The following PCDHA13 variants were observed in gnomAD, a reference collection of about 807,000 sequenced individuals.
PCDHA13 encodes protocadherin alpha-13.
In PCDHA13, 54 loss-of-function variants were observed where a neutral mutation model predicts 64.8. That is an observed-to-expected ratio of 0.83 (90% CI 0.67 to 1.04). The LOEUF (loss-of-function observed/expected upper bound fraction) is 1.04, where lower values mean the gene tolerates loss of function less well. PCDHA13 is among the 50% of genes least tolerant of loss of function. The pLI is 0.00. For synonymous variants in PCDHA13, 587 were observed against 564.4 expected (o/e 1.04, Z -0.57); for missense variants, 1,248 against 1,254.3 (o/e 0.99, Z 0.08).
rs1554262820 is a variant in PCDHA13, at chr5:141,010,243, G to A, written c.*306G>A. On this transcript the variant is annotated 3_prime_UTR_variant, in exon 4 of 4. Coordinates refer to ENST00000289272, the MANE Select transcript of PCDHA13 (RefSeq NM_018904.3). The stretch of plus-strand genomic sequence containing the variant: ...TTCCCAGCCCCGCCAGTGAGAGGTT[G>A]GACTCTCTGCCCTGTGCTCCGGGGA... 1 of 1,551,890 alleles carries A rather than the reference G, an allele frequency of 6.4e-7. No individual in the cohort carries two copies. Among genetic ancestry groups the A allele is most frequent in the Non-Finnish European group, 8.7e-7 (1 of 1,147,036 alleles).
chr5:140,907,139 T>C (rs2073191409), intron 1 of PCDHA13, among the ~76,000 whole-genome samples: 1 of 152,148 alleles, frequency 6.6e-6, no homozygotes, highest in African/African-American at 2.4e-5. Context: ...GAATTCCGGC[T>C]ATGGGAGAAA....
intron 1 of PCDHA13, among the ~76,000 whole-genome samples, chr5:140,952,315 G>T (rs2094717881): frequency 6.8e-6 from 1 of 147,138 alleles, no homozygotes; most frequent in Non-Finnish European, 1.5e-5. Context: ...TCCAGCCTGG[G>T]CAACAAGAGT....
At chr5:140,891,431 A>G (rs912407002) in intron 1 of PCDHA13, among the ~76,000 whole-genome samples, 1 of 143,446 alleles carries the variant, frequency 7.0e-6, no homozygotes, top group Non-Finnish European at 1.5e-5. Context: ...CAAGTCCCCA[A>G]CGTCCATTGT....
chr5:140,972,386 A>G (rs2096534472), intron 1 of PCDHA13, among the ~76,000 whole-genome samples: 1 of 148,802 alleles, frequency 6.7e-6, no homozygotes, highest in African/African-American at 2.5e-5. Flanking sequence ...GTATTTGTTT[A>G]TTTGCTTCAC....
intron 1 of PCDHA13, among the ~76,000 whole-genome samples, chr5:140,963,607 G>A (rs558578531): frequency 2.0e-5 from 3 of 152,306 alleles, no homozygotes; most frequent in Non-Finnish European, 4.4e-5. Context: ...GACGTAATTG[G>A]GAAAGCTTAA....
chr5:140,907,298 A>G (rs138771358), intron 1 of PCDHA13, among the ~76,000 whole-genome samples: 4 of 152,162 alleles, frequency 2.6e-5, no homozygotes, highest in Non-Finnish European at 4.4e-5. Flanking sequence ...CTGCTTCAGG[A>G]TGATGGGGAA....
chr5:140,919,933 T>C (rs2153555434), intron 1 of PCDHA13, among the ~76,000 whole-genome samples: 1 of 152,222 alleles, frequency 6.6e-6, no homozygotes. Flanking sequence ...AGGTGGGGGC[T>C]AATTCCAGTG....
At chr5:140,925,124 A>AGGAAGGAAGGAAGG (rs1554202565) in intron 1 of PCDHA13, among the ~76,000 whole-genome samples, 2 of 151,856 alleles carry the variant, frequency 1.3e-5, no homozygotes, top group African/African-American at 2.4e-5. Context: ...GAAGGAAGGA[A>AGGAAGGAAGGAAGG]AAAAAATTTC....
intron 1 of PCDHA13, among the ~76,000 whole-genome samples, chr5:140,939,663 C>T (rs1282923741): frequency 6.6e-6 from 1 of 152,116 alleles, no homozygotes; most frequent in Non-Finnish European, 1.5e-5. Context: ...ACAGGAATAA[C>T]CAACTTGTAT....
chr5:140,976,453 G>A (rs1554237653), intron 1 of PCDHA13, among the ~76,000 whole-genome samples: 1 of 152,032 alleles, frequency 6.6e-6, no homozygotes, highest in Admixed American at 6.6e-5. Flanking sequence ...AGGGAGGCTG[G>A]GGAAGAAGAA....
At chr5:140,926,333 C>A (rs1244364456) in intron 1 of PCDHA13, 3 of 152,288 alleles carry the variant, frequency 2.0e-5, no homozygotes, top group African/African-American at 7.2e-5. Flanking sequence ...GGTCAGAGCG[C>A]CGGGACCCGA....
chr5:140,929,201 T>C (rs146014873), intron 1 of PCDHA13: 3 of 1,614,168 alleles, frequency 1.9e-6, no homozygotes, highest in East Asian at 4.5e-5. Flanking sequence ...AACAGTTTGC[T>C]GTTGCGTGGG....
At chr5:140,886,276 A>T (rs1352172114) in intron 1 of PCDHA13, among the ~76,000 whole-genome samples, 3 of 152,062 alleles carry the variant, frequency 2.0e-5, no homozygotes, top group Admixed American at 1.3e-4. Flanking sequence ...AAAATTTTTT[A>T]AAATTATTTT....
At position 140,970,091 on chromosome 5, in the gene PCDHA13, G is replaced by A. The variant is rs542039822; in HGVS notation, c.2395-8858G>A. ...AATGAGTGGATTAGGGGTGTGGGGG[G>A]ATGGTGAAGACCAAGAGAAGCTGGG... On this transcript the variant is annotated intron_variant, in intron 1 of 3. Coordinates refer to ENST00000289272, the MANE Select transcript of PCDHA13 (RefSeq NM_018904.3). 3.9e-4 allele frequency among the ~76,000 whole-genome samples: 59 copies of A among 152,258 alleles called. 1 individual carries two copies. Among genetic ancestry groups the A allele is most frequent in the Admixed American group, 1.1e-3 (17 of 15,292 alleles).
intron 3 of PCDHA13, among the ~76,000 whole-genome samples, chr5:141,007,994 T>G (rs1339008337): frequency 5.9e-5 from 9 of 152,262 alleles, no homozygotes. Flanking sequence ...GAAATGTACA[T>G]GTTAATAAAC....
chr5:141,010,398 G>C lies in PCDHA13; in HGVS notation c.*461G>C. The C allele has an allele frequency of 7.6e-7, 1 of 1,323,994 alleles. No individual in the cohort carries two copies. Among genetic ancestry groups the C allele is most frequent in the South Asian group, 1.5e-5 (1 of 66,476 alleles). 82.0% of individuals were successfully genotyped at this position (1,323,994 alleles called of 1,614,324 possible). A position where few individuals can be genotyped will look rare whatever the true frequency, so the allele number is the denominator to read the frequency against. ...GCCAGATATTGGCTGAGACGAGCCA[G>C]CTTAGACTAATTGGTACAAGGAAGG... On this transcript the variant is annotated 3_prime_UTR_variant, in exon 4 of 4. Transcript: ENST00000289272.
chr5:140,883,443 A>G lies in PCDHA13; in HGVS notation c.1175A>G (p.His392Arg), dbSNP rs2059611817. The change falls in exon 1 of 4, where the codon CAT (histidine) becomes CGT (arginine). Residue 392 changes from histidine to arginine, a missense_variant. Physicochemically the swap from His to Arg is conservative, Grantham distance 29. Transcript: ENST00000289272. ...CAGGTCACCTGCACCTTGACGCCGCATGTCCCCTTCAAGCTGGTGTCCACC... is the reference window on the plus strand; with the variant it reads ...CAGGTCACCTGCACCTTGACGCCGCGTGTCCCCTTCAAGCTGGTGTCCACC... ...NGQVTCTLTPHVPFKLVSTYK... is the reference protein window; with the variant it reads ...NGQVTCTLTPRVPFKLVSTYK... 1 of 1,614,136 alleles carries G rather than the reference A, an allele frequency of 6.2e-7. No individual in the cohort carries two copies.
At chr5:140,906,966 G>A (rs1401949243) in intron 1 of PCDHA13, among the ~76,000 whole-genome samples, 5 of 152,120 alleles carry the variant, frequency 3.3e-5, no homozygotes, top group African/African-American at 1.2e-4. Context: ...TGGAATCGTG[G>A]TTGTGTCTTC....
intron 2 of PCDHA13, among the ~76,000 whole-genome samples, chr5:140,980,943 T>C (rs573281233): frequency 1.6e-4 from 25 of 152,172 alleles, no homozygotes; most frequent in Non-Finnish European, 3.1e-4. Context: ...CTGAGCTGGC[T>C]CCAGGATAGT....
Sources: gnomAD v4.1 joint callset for allele counts (sites outside exome capture counted in the v4.1 genomes callset) on GRCh38, gnomAD v4.1.1 for gene constraint, MANE v1.5 for transcripts, NCBI Gene and HGNC (gene_info 2026-07-23, HGNC 2026-07-21) for gene names.